Variants in HEATR4 observed in about 807,000 individuals in gnomAD.
HEATR4 encodes HEAT repeat-containing protein 4.
A neutral mutation model predicts 108.8 loss-of-function variants in HEATR4; 95 were observed. The ratio of observed to expected loss-of-function variants is 0.87; its 90% CI spans 0.74 to 1.04. The LOEUF is 1.04. Ranked by LOEUF, HEATR4 falls within the 50% of genes least tolerant of loss-of-function variation. The pLI is 0.00. For synonymous variants in HEATR4, 443 were observed against 459.4 expected (o/e 0.96, Z 0.46); for missense variants, 1,152 against 1,253.8 (o/e 0.92, Z 1.23).
chr14:73,520,706 G>C (rs1887920687), intron 4 of HEATR4, 146 bp downstream of exon 4: 1 of 702,116 alleles, frequency 1.4e-6, no homozygotes, highest in Non-Finnish European at 2.5e-6. Flanking sequence ...TCCTGTGCTA[G>C]TGTGGGTGCT....
chr14:73,492,640 G>A lies in HEATR4; in HGVS notation c.2844+426C>T. 1.2e-6 allele frequency: 2 copies of A among 1,614,018 alleles called. No homozygotes were observed. Among genetic ancestry groups the A allele is most frequent in the South Asian group, 2.2e-5 (2 of 91,078 alleles). On this transcript the variant is annotated intron_variant, in intron 17 of 17. Coordinates refer to ENST00000553558, the MANE Select transcript of HEATR4 (RefSeq NM_001220484.1). This position sits in a 1 kb window ranked among gnomAD's most constrained non-coding sequence, Gnocchi z 4.9. ...GAGAACCTGTAAACGTGGGGGCCCA[G>A]TTGACAACAGAAACAGAAGTCCATA... is the stretch of plus-strand genomic sequence containing the variant.
At chr14:73,491,407 G>A (rs1196472829) in intron 17 of HEATR4, 3 of 1,344,196 alleles carry the variant, frequency 2.2e-6, no homozygotes, top group Non-Finnish European at 2.8e-6. Flanking sequence ...CGCCGCCCGC[G>A]CGCCTGGTGG....
chr14:73,572,093 C>A, the HEATR4 span, among the ~76,000 whole-genome samples: 2 of 146,504 alleles, frequency 1.4e-5, no homozygotes, highest in Non-Finnish European at 3.0e-5. Context: ...CTGCTCTGGG[C>A]AACAATTTGT....
At chr14:73,582,706 C>A in the HEATR4 span, 1 of 151,904 alleles carries the variant, frequency 6.6e-6, no homozygotes, top group Non-Finnish European at 1.5e-5. Context: ...CCCAGAAGAC[C>A]ACCCGGAACA....
chr14:73,478,856 T>C lies in HEATR4; in HGVS notation c.2845-14A>G, dbSNP rs768560117. ...GGGCTTCACAGGCTGCAGAGAAACA[T>C]GAAAACATGAGTGCATATGCCAAAC... On this transcript the variant is annotated splice_polypyrimidine_tract_variant and intron_variant, in intron 17 of 17. Coordinates refer to ENST00000553558, the MANE Select transcript of HEATR4 (RefSeq NM_001220484.1). 1.9e-6 allele frequency: 3 copies of C among 1,585,664 alleles called. No homozygotes were observed. The highest frequency in any genetic ancestry group is 4.5e-5 in the East Asian group (2 of 44,576).
the HEATR4 span, among the ~76,000 whole-genome samples, chr14:73,588,124 C>T: frequency 6.6e-6 from 1 of 152,024 alleles, no homozygotes; most frequent in African/African-American, 2.4e-5. Flanking sequence ...GCCTCAGCCT[C>T]TCCAGTATCT....
upstream of HEATR4, among the ~76,000 whole-genome samples, chr14:73,562,578 T>C (rs1321152020): frequency 6.6e-6 from 1 of 151,924 alleles, no homozygotes; most frequent in Non-Finnish European, 1.5e-5. Context: ...CAAACGGACG[T>C]GCAAGTAGGA....
chr14:73,587,357 CTTTT>C, the HEATR4 span, among the ~76,000 whole-genome samples: 1,328 of 147,582 alleles, frequency 9.0e-3, 21 homozygotes, highest in African/African-American at 0.03. Context: ...GCAACATCCA[CTTTT>C]TTTTTTTTTG....
intron 8 of HEATR4, among the ~76,000 whole-genome samples, chr14:73,508,751 CAAAAAAAAAAAA>C (rs770608293): frequency 2.1e-4 from 12 of 57,882 alleles, no homozygotes; most frequent in East Asian, 5.8e-4. Context: ...AACTCTGTCT[CAAAAAAAAAAAA>C]AAAAAAAAAA....
chr14:73,522,207 C>T (rs1424714732), intron 3 of HEATR4, 65 bp downstream of exon 3: 3 of 1,519,408 alleles, frequency 2.0e-6, no homozygotes, highest in Non-Finnish European at 2.7e-6. Context: ...TGTGAGTCCA[C>T]CTGGGAGTCC....
At chr14:73,607,257 C>T in the HEATR4 span, among the ~76,000 whole-genome samples, 1 of 152,204 alleles carries the variant, frequency 6.6e-6, no homozygotes, top group Non-Finnish European at 1.5e-5. Flanking sequence ...TTGCAGTGAG[C>T]CAAGATTGCA....
At chr14:73,618,542 C>T in the HEATR4 span, among the ~76,000 whole-genome samples, 1 of 146,670 alleles carries the variant, frequency 6.8e-6, no homozygotes, top group African/African-American at 2.8e-5. Context: ...CTTTCCAGTA[C>T]AGAACTCCAG....
chr14:73,594,421 C>T, the HEATR4 span, among the ~76,000 whole-genome samples: 3 of 117,638 alleles, frequency 2.6e-5, no homozygotes, highest in African/African-American at 1.0e-4. Context: ...TGGCCCTGAA[C>T]TTGATGGGAT....
chr14:73,519,568 A>AC (rs1193184921), intron 4 of HEATR4, among the ~76,000 whole-genome samples: 2 of 151,598 alleles, frequency 1.3e-5, no homozygotes, highest in Non-Finnish European at 2.9e-5. Context: ...ACACTGTAAG[A>AC]CCCCCGTCTC....
At chr14:73,593,868 C>G in the HEATR4 span, 2 of 1,613,718 alleles carry the variant, frequency 1.2e-6, no homozygotes, top group Admixed American at 1.7e-5. Flanking sequence ...TGGAGTACTT[C>G]GAAGAAGCCG....
the HEATR4 span, among the ~76,000 whole-genome samples, chr14:73,610,418 A>ATAG: frequency 6.6e-6 from 1 of 151,786 alleles, no homozygotes; most frequent in East Asian, 1.9e-4. Flanking sequence ...CGCCTTCTGA[A>ATAG]TAGCTGGGAT....
chr14:73,537,767 C>G lies in HEATR4; in HGVS notation c.-151-7523G>C. ...GGTGCTGGATGGCCACGACCCCGAC[C>G]CCGGGCGGCTGCTGTGCCGGGTGCG... On this transcript the variant is annotated intron_variant, in intron 1 of 17. Coordinates refer to ENST00000553558, the MANE Select transcript of HEATR4 (RefSeq NM_001220484.1). The G allele has an allele frequency of 3.2e-6, 4 of 1,236,360 alleles. 1 individual carries two copies. The highest frequency in any genetic ancestry group is 3.2e-6 in the Non-Finnish European group (3 of 935,066). 76.6% of individuals were successfully genotyped at this position (1,236,360 alleles called of 1,614,324 possible).
At chr14:73,496,579 A>T in intron 15 of HEATR4, 22 bp downstream of exon 15, 1 of 1,519,320 alleles carries the variant, frequency 6.6e-7, no homozygotes. Flanking sequence ...TTCTCTTGAG[A>T]ACAGAGCTTG....
the HEATR4 span, among the ~76,000 whole-genome samples, chr14:73,605,556 C>CTTTTTTTTTTTTTTTTTTTT: frequency 3.5e-5 from 2 of 56,912 alleles, no homozygotes; most frequent in Admixed American, 2.9e-4. Flanking sequence ...CTGTAAGATT[C>CTTTTTTTTTTTTTTTTTTTT]TTTTTTTTTT....
Sources: allele counts gnomAD v4.1 joint callset (sites outside exome capture counted in the v4.1 genomes callset), GRCh38; gene constraint gnomAD v4.1.1; non-coding constraint Gnocchi (gnomAD v3.1); transcripts MANE v1.5; gene names NCBI Gene and HGNC (gene_info 2026-07-23, HGNC 2026-07-21).